RUNX3: variants seen among roughly 807,000 people sequenced by gnomAD.
The protein encoded by RUNX3 is RUNX family transcription factor 3, also known as runt-related transcription factor 3.
Under a neutral mutation model 27.7 loss-of-function variants are expected in RUNX3, and 10 were observed. The observed-to-expected ratio is 0.36, with a 90% confidence interval of 0.22 to 0.61. The LOEUF is 0.61. Among genes scored for constraint, RUNX3 ranks in the 20% least tolerant of loss-of-function variants. The pLI is 0.72. For missense variants in RUNX3, 469 were observed against 629.5 expected (o/e 0.75, Z 2.73); for synonymous variants, 270 against 269.2 (o/e 1.00, Z -0.03).
intron 2 of RUNX3, 26 bp from the exon 3 acceptor site, chr1:24,919,370 G>T: frequency 6.5e-7 from 1 of 1,532,846 alleles, no homozygotes. Context: ...AATAGAGGCA[G>T]GTGGTTGGCA....
At chr1:24,917,829 C>T (rs539548346) in intron 3 of RUNX3, among the ~76,000 whole-genome samples, 86 of 152,330 alleles carry the variant, frequency 5.6e-4, no homozygotes, top group Non-Finnish European at 1.0e-3. Flanking sequence ...CTCATGAGGG[C>T]TTCCCAGCCA....
At chr1:24,930,513 GC>G (rs1276678628), upstream of RUNX3, among the ~76,000 whole-genome samples, 1 of 152,044 alleles carries the variant, frequency 6.6e-6, no homozygotes, top group African/African-American at 2.4e-5. The surrounding 1 kb of genome is among the most constrained non-coding windows in gnomAD (Gnocchi z 4.1). Context: ...GGAGCCCGGG[GC>G]AAATGCTAGA....
At chr1:24,952,689 C>T (rs2135756) in intron 2 of RUNX3, among the ~76,000 whole-genome samples, 81,872 of 152,020 alleles carry the variant, frequency 0.54, 22,129 homozygotes, top group East Asian at 0.64. Flanking sequence ...CTCCTGTTCT[C>T]ACCTTCCTTG....
At position 24,927,967 on chromosome 1, in the gene RUNX3, C is replaced by T. The variant is rs2124302680; in HGVS notation, c.283-237G>A. On this transcript the variant is annotated intron_variant, in intron 1 of 4. Transcript: ENST00000308873. The surrounding 1 kb of genome is among the most constrained non-coding windows in gnomAD (Gnocchi z 5.0). ...ACCAAAATCCTAGATCAACTGCTTA[C>T]ATAAACTGTGTCCCAAGAAATCATC... 6.6e-6 allele frequency among the ~76,000 whole-genome samples: 1 copy of T among 152,344 alleles called. No individual in the cohort carries two copies. The highest frequency in any genetic ancestry group is 1.9e-4 in the East Asian group (1 of 5,190).
upstream of RUNX3, among the ~76,000 whole-genome samples, chr1:24,930,774 A>G (rs983191550): frequency 6.6e-6 from 1 of 152,116 alleles, no homozygotes; most frequent in Non-Finnish European, 1.5e-5. This position sits in a 1 kb window ranked among gnomAD's most constrained non-coding sequence, Gnocchi z 4.1. Context: ...CGTCCCGCAC[A>G]TTATTCTGAC....
chr1:24,919,869 C>T (rs986761012), intron 2 of RUNX3, among the ~76,000 whole-genome samples: 3 of 151,604 alleles, frequency 2.0e-5, no homozygotes, highest in African/African-American at 7.3e-5. Context: ...TACTAAAATA[C>T]AGATTTTCAT....
chr1:24,934,698 A>AC (rs1351188416), upstream of RUNX3, among the ~76,000 whole-genome samples: 1 of 152,098 alleles, frequency 6.6e-6, no homozygotes, highest in Non-Finnish European at 1.5e-5. Flanking sequence ...AGAGGGCCAG[A>AC]CCCGGGTTAA....
In RUNX3 at chr1:24,938,936, G is replaced by A. The variant is rs376922005; in HGVS notation, c.59-9084C>T. ...TATTTCTCTATTTATAAATTATCCC[G>A]TCTCAGGTATTTTGTTACAGCGACA... On this transcript the variant is annotated intron_variant, in intron 2 of 6. Transcript: ENST00000338888. Among the ~76,000 whole-genome samples, 234 of 152,182 alleles carry A rather than the reference G, an allele frequency of 1.5e-3. 2 individuals are homozygous for A. The highest frequency in any genetic ancestry group is 7.3e-3 in the South Asian group (35 of 4,812).
Position 24,927,805 on chromosome 1 carries a change from G to T in RUNX3, c.283-75C>A. On this transcript the variant is annotated intron_variant, in intron 1 of 4. Coordinates refer to ENST00000308873, the MANE Select transcript of RUNX3 (RefSeq NM_004350.3). The surrounding 1 kb of genome is among the most constrained non-coding windows in gnomAD (Gnocchi z 5.0). Reference sequence around the variant, plus strand: ...GGGTGACCAGGGAAAGGAGGGGAGGGGCTGGGCTGGGCAGCTCCCCCAGGT... The same window carrying T: ...GGGTGACCAGGGAAAGGAGGGGAGGTGCTGGGCTGGGCAGCTCCCCCAGGT... 1 of 1,309,868 alleles carries T rather than the reference G, an allele frequency of 7.6e-7. No homozygotes were observed. Among genetic ancestry groups the T allele is most frequent in the African/African-American group, 1.4e-5 (1 of 69,390 alleles). The allele number at this position is 1,309,868 out of a possible 1,614,324, so 81.1% of individuals were successfully genotyped here.
rs529085749 is a variant in RUNX3 at position 24,920,022 on chromosome 1, G to A, written c.440-678C>T. Among the ~76,000 whole-genome samples, 27 of 151,872 alleles carry A rather than the reference G, an allele frequency of 1.8e-4. No homozygotes were observed. In the South Asian group the frequency reaches 2.5e-3, roughly 14 times the overall value. Reference sequence around the variant, plus strand: ...TTTATTTATCTACCTCCTTACTCTCGGGTATTTACATCGTTGCTAATTTCT... The same window carrying A: ...TTTATTTATCTACCTCCTTACTCTCAGGTATTTACATCGTTGCTAATTTCT... On this transcript the variant is annotated intron_variant, in intron 2 of 4. Coordinates refer to ENST00000308873, the MANE Select transcript of RUNX3 (RefSeq NM_004350.3).
At chr1:24,915,827 A>G (rs905872345) in intron 3 of RUNX3, among the ~76,000 whole-genome samples, 8 of 152,100 alleles carry the variant, frequency 5.3e-5, no homozygotes. Context: ...CCTTTCCCCC[A>G]CCGTGGTCCA....
chr1:24,933,063 G>A (rs1021668800), upstream of RUNX3, among the ~76,000 whole-genome samples: 6 of 152,144 alleles, frequency 3.9e-5, no homozygotes, highest in Admixed American at 3.3e-4. Flanking sequence ...TGCGTTCTTG[G>A]CAGTGAGGGT....
At position 24,901,915 on chromosome 1, in the gene RUNX3, C is replaced by T. The variant is rs552310765; in HGVS notation, c.*207G>A. The T allele has an allele frequency of 3.6e-5, 19 of 527,514 alleles. No individual in the cohort carries two copies. The highest frequency in any genetic ancestry group is 2.5e-4 in the South Asian group (8 of 32,380). The allele number at this position is 527,514 out of a possible 1,614,324, so 32.7% of individuals were successfully genotyped here. On this transcript the variant is annotated 3_prime_UTR_variant, in exon 5 of 5. Coordinates refer to ENST00000308873, the MANE Select transcript of RUNX3 (RefSeq NM_004350.3). The stretch of plus-strand genomic sequence containing the variant: ...CTGGGCCGGGGGCAGTATCCCGGGC[C>T]GGGGTGGGGGTGGTAACCTATGCCT...
At chr1:24,939,643 G>GT (rs1375414003) in intron 2 of RUNX3, among the ~76,000 whole-genome samples, 1 of 152,236 alleles carries the variant, frequency 6.6e-6, no homozygotes, top group African/African-American at 2.4e-5. Context: ...GGCTCTGGAA[G>GT]TTTCTGCTTC....
intron 2 of RUNX3, among the ~76,000 whole-genome samples, chr1:24,922,994 C>G (rs1032617160): frequency 6.6e-6 from 1 of 152,098 alleles, no homozygotes; most frequent in African/African-American, 2.4e-5. Context: ...GTGTCTCCAG[C>G]CCCTAGGACG....
At position 24,902,300 on chromosome 1, in the gene RUNX3, G is replaced by GGTGAGC; in HGVS notation, c.1064_1069dup (p.Arg355_Ser356dup). On this transcript the variant is annotated inframe_insertion, in exon 5 of 5. Transcript: ENST00000308873. This position sits in a 1 kb window ranked among gnomAD's most constrained non-coding sequence, Gnocchi z 9.2. ...GGTGCAAGAGGCCAGCATGCGGGTAGGTGAGCGGTCGCCCCCACTGCTGCT... is the reference window on the plus strand; with the variant it reads ...GGTGCAAGAGGCCAGCATGCGGGTAGGTGAGCGTGAGCGGTCGCCCCCACTGCTGCT... 6.2e-7 allele frequency: 1 copy of GGTGAGC among 1,604,434 alleles called. No individual in the cohort carries two copies. Among genetic ancestry groups the GGTGAGC allele is most frequent in the Non-Finnish European group, 8.5e-7 (1 of 1,177,184 alleles).
intron 2 of RUNX3, among the ~76,000 whole-genome samples, chr1:24,956,302 C>T (rs1292254076): frequency 2.0e-5 from 3 of 152,138 alleles, no homozygotes; most frequent in Non-Finnish European, 2.9e-5. Context: ...AATTGTTTTC[C>T]CTTAAATTTA....
chr1:24,922,702 A>G (rs1241523747), intron 2 of RUNX3, among the ~76,000 whole-genome samples: 1 of 139,370 alleles, frequency 7.2e-6, no homozygotes, highest in East Asian at 2.2e-4. Flanking sequence ...AATACTTTGT[A>G]TTTGATTTTA....
chr1:24,964,774 G>T, intron 1 of RUNX3: 2 of 1,331,396 alleles, frequency 1.5e-6, no homozygotes, highest in South Asian at 3.1e-5. Flanking sequence ...GAAAGAACGC[G>T]AGAGTGTGTG....
Sources: allele counts gnomAD v4.1 joint callset (sites outside exome capture counted in the v4.1 genomes callset), GRCh38; gene constraint gnomAD v4.1.1; non-coding constraint Gnocchi (gnomAD v3.1); transcripts MANE v1.5; gene names NCBI Gene and HGNC (gene_info 2026-07-23, HGNC 2026-07-21).